The following MTCL3 variants were observed in gnomAD, a reference collection of about 807,000 sequenced individuals.
The protein encoded by MTCL3 is microtubule cross-linking factor 3.
the MTCL3 span, among the ~76,000 whole-genome samples, chr6:127,485,561 G>A: frequency 1.3e-5 from 2 of 152,264 alleles, no homozygotes; most frequent in South Asian, 2.1e-4. Flanking sequence ...AGTACAAATC[G>A]CTGTGAGATA....
chr6:127,509,643 C>T, the MTCL3 span, among the ~76,000 whole-genome samples: 4 of 152,104 alleles, frequency 2.6e-5, no homozygotes, highest in African/African-American at 9.7e-5. Context: ...AAAAATGACA[C>T]GAAGGGATGA....
chr6:127,516,277 G>A, the MTCL3 span: 101 of 1,507,208 alleles, frequency 6.7e-5, 1 homozygote, highest in South Asian at 3.7e-4. Context: ...TCCCGGAGCG[G>A]CCCCTTTGGG....
chr6:127,493,149 A>G, the MTCL3 span, among the ~76,000 whole-genome samples: 2 of 152,172 alleles, frequency 1.3e-5, no homozygotes, highest in Non-Finnish European at 2.9e-5. Context: ...TTCTGTTTCT[A>G]TAGTTTTCCT....
the MTCL3 span, chr6:127,515,461 C>A: frequency 7.2e-7 from 1 of 1,389,166 alleles, no homozygotes; most frequent in Non-Finnish European, 9.4e-7. The surrounding 1 kb of genome is among the most constrained non-coding windows in gnomAD (Gnocchi z 4.3). Flanking sequence ...ACGCCCTAAT[C>A]CTCCCAGGCC....
chr6:127,478,671 T>C, the MTCL3 span, among the ~76,000 whole-genome samples: 1 of 151,944 alleles, frequency 6.6e-6, no homozygotes, highest in East Asian at 1.9e-4. Flanking sequence ...GTAGAGGTGA[T>C]GGTTGAACCT....
chr6:127,483,568 T>C, the MTCL3 span, among the ~76,000 whole-genome samples: 2 of 152,196 alleles, frequency 1.3e-5, no homozygotes, highest in South Asian at 2.1e-4. Context: ...CAGCTTCAGC[T>C]CATTGTGTGA....
At chr6:127,512,843 T>C in the MTCL3 span, 1 of 1,524,282 alleles carries the variant, frequency 6.6e-7, no homozygotes, top group Non-Finnish European at 8.8e-7. Context: ...GATTCTTTTT[T>C]AAAGGGCTAA....
At chr6:127,516,104 C>T in the MTCL3 span, 2 of 1,485,746 alleles carry the variant, frequency 1.3e-6, no homozygotes, top group Non-Finnish European at 1.8e-6. Flanking sequence ...CCTCCTTCCC[C>T]GCCCCCTCCT....
the MTCL3 span, chr6:127,473,084 A>C: frequency 8.8e-7 from 1 of 1,140,598 alleles, no homozygotes; most frequent in Non-Finnish European, 1.1e-6. Context: ...TCTTACCTGA[A>C]ATATTTTAGT....
the MTCL3 span, among the ~76,000 whole-genome samples, chr6:127,491,262 C>G: frequency 2.1e-4 from 32 of 152,298 alleles, no homozygotes; most frequent in South Asian, 8.3e-4. Flanking sequence ...AACAGCATTG[C>G]CTGCTACAGG....
the MTCL3 span, among the ~76,000 whole-genome samples, chr6:127,502,880 C>G: frequency 5.9e-5 from 9 of 152,262 alleles, no homozygotes; most frequent in African/African-American, 1.2e-4. Flanking sequence ...AGTAACATAG[C>G]TATTACATTT....
the MTCL3 span, among the ~76,000 whole-genome samples, chr6:127,493,011 A>C: frequency 6.6e-6 from 1 of 152,166 alleles, no homozygotes; most frequent in East Asian, 1.9e-4. Context: ...TGTTTCTTCT[A>C]TTTGAACTTA....
chr6:127,488,711 A>C, the MTCL3 span, among the ~76,000 whole-genome samples: 10 of 152,262 alleles, frequency 6.6e-5, no homozygotes, highest in Non-Finnish European at 1.3e-4. Flanking sequence ...GCTTTTCAAC[A>C]AAAAGACTAA....
At chr6:127,516,134 G>A in the MTCL3 span, 14 of 1,452,924 alleles carry the variant, frequency 9.6e-6, no homozygotes, top group Non-Finnish European at 1.3e-5. Context: ...CCGAGCGGAG[G>A]GGGTTCCCCG....
chr6:127,481,715 C>T, the MTCL3 span, among the ~76,000 whole-genome samples: 3 of 152,066 alleles, frequency 2.0e-5, no homozygotes, highest in African/African-American at 7.2e-5. Flanking sequence ...TAGCCAAGTG[C>T]TTTTGGAGAG....
the MTCL3 span, chr6:127,475,548 G>A: frequency 6.2e-7 from 1 of 1,611,660 alleles, no homozygotes; most frequent in Non-Finnish European, 8.5e-7. The surrounding 1 kb of genome is among the most constrained non-coding windows in gnomAD (Gnocchi z 7.3). Context: ...CGATGGTCTT[G>A]CCCAGGCGCT....
At chr6:127,485,318 C>A in the MTCL3 span, among the ~76,000 whole-genome samples, 2 of 152,134 alleles carry the variant, frequency 1.3e-5, no homozygotes, top group Non-Finnish European at 2.9e-5. Context: ...CATAGAAAAA[C>A]CATTTCTGGG....
chr6:127,509,322 C>G, the MTCL3 span, among the ~76,000 whole-genome samples: 3 of 152,184 alleles, frequency 2.0e-5, no homozygotes, highest in African/African-American at 7.2e-5. Flanking sequence ...TCCATCCTCT[C>G]AGGGGGAGAA....
the MTCL3 span, among the ~76,000 whole-genome samples, chr6:127,478,178 A>G: frequency 6.6e-6 from 1 of 152,254 alleles, no homozygotes; most frequent in East Asian, 1.9e-4. Flanking sequence ...GTTTTGGATC[A>G]CATCAGCAGA....
Sources: gnomAD v4.1 joint callset for allele counts (sites outside exome capture counted in the v4.1 genomes callset) on GRCh38, gnomAD v4.1.1 for gene constraint, Gnocchi (gnomAD v3.1) non-coding constraint, MANE v1.5 for transcripts, NCBI Gene and HGNC (gene_info 2026-07-23, HGNC 2026-07-21) for gene names.